Variants in CCSER1 observed in about 807,000 individuals in gnomAD.
CCSER1 encodes coiled-coil serine rich protein 1, also known as serine-rich coiled-coil domain-containing protein 1.
Under a neutral mutation model 82.0 loss-of-function variants are expected in CCSER1, and 41 were observed. The observed-to-expected ratio is 0.50, with a 90% CI of 0.39 to 0.65. The LOEUF is 0.65. Ranked by LOEUF, CCSER1 falls within the 30% of genes least tolerant of loss-of-function variation. CCSER1 has a pLI of 0.00. For missense variants in CCSER1, 1,119 were observed against 1,064.2 expected (o/e 1.05, Z -0.72); for synonymous variants, 414 against 383.9 (o/e 1.08, Z -0.92).
chr4:91,109,283 C>T (rs528246756), intron 10 of CCSER1, among the ~76,000 whole-genome samples: 2 of 152,224 alleles, frequency 1.3e-5, no homozygotes, highest in South Asian at 4.1e-4. Context: ...AATATATCCC[C>T]TCTCATCTAT....
Position 90,345,633 on chromosome 4 carries a change from C to G in CCSER1, c.1509+32586C>G, listed in dbSNP as rs560892507. 3.9e-5 allele frequency among the ~76,000 whole-genome samples: 6 copies of G among 152,064 alleles called. 1 individual carries two copies. In the South Asian group the frequency reaches 1.2e-3, roughly 32 times the overall value. ...AATTTTCAATCATATACTAAATGAA[C>G]AGACAAATTAACAAAAACGTTTATT... On this transcript the variant is annotated intron_variant, in intron 3 of 10. Coordinates refer to ENST00000509176, the MANE Select transcript of CCSER1 (RefSeq NM_001145065.2).
intron 1 of CCSER1, among the ~76,000 whole-genome samples, chr4:90,239,932 A>G (rs1162429774): frequency 6.6e-6 from 1 of 152,228 alleles, no homozygotes; most frequent in Non-Finnish European, 1.5e-5. Context: ...TAGTGAGTTT[A>G]ATTTAAAAAT....
chr4:90,401,091 G>A (rs933764743), intron 4 of CCSER1, among the ~76,000 whole-genome samples: 45 of 152,026 alleles, frequency 3.0e-4, no homozygotes, highest in Non-Finnish European at 5.6e-4. Context: ...ATTATCAATT[G>A]TCAAAAGAAG....
chr4:91,028,544 C>T (rs1740692973), intron 9 of CCSER1, among the ~76,000 whole-genome samples: 1 of 151,892 alleles, frequency 6.6e-6, no homozygotes, highest in African/African-American at 2.4e-5. Context: ...ATATGTAATA[C>T]TTACCAAGCA....
At chr4:90,865,134 A>G (rs1253802892) in intron 8 of CCSER1, among the ~76,000 whole-genome samples, 1 of 152,030 alleles carries the variant, frequency 6.6e-6, no homozygotes, top group Non-Finnish European at 1.5e-5. Flanking sequence ...AAAATCATGT[A>G]AAATTGATGT....
At chr4:91,121,801 C>T (rs1391750676) in intron 10 of CCSER1, among the ~76,000 whole-genome samples, 2 of 151,238 alleles carry the variant, frequency 1.3e-5, no homozygotes, top group Non-Finnish European at 3.0e-5. Context: ...TATTGAGAAA[C>T]TTTTGGTTAT....
chr4:90,878,423 A>G (rs1305452594), intron 8 of CCSER1, among the ~76,000 whole-genome samples: 1 of 152,186 alleles, frequency 6.6e-6, no homozygotes, highest in African/African-American at 2.4e-5. Flanking sequence ...ATTTGGGTAC[A>G]GAGTGCAAGC....
At chr4:90,574,592 A>T (rs1228772272) in intron 5 of CCSER1, among the ~76,000 whole-genome samples, 2 of 151,516 alleles carry the variant, frequency 1.3e-5, no homozygotes, top group African/African-American at 4.8e-5. Context: ...TTTTAAACTA[A>T]ATTTGTAGGG....
intron 5 of CCSER1, among the ~76,000 whole-genome samples, chr4:90,536,680 G>A (rs982179699): frequency 1.3e-5 from 2 of 152,306 alleles, no homozygotes; most frequent in South Asian, 4.1e-4. Flanking sequence ...TAATTACCCT[G>A]ATAATTGAAG....
At chr4:90,811,945 TTAA>T (rs1758369502) in intron 7 of CCSER1, among the ~76,000 whole-genome samples, 4 of 146,638 alleles carry the variant, frequency 2.7e-5, no homozygotes, top group East Asian at 4.0e-4. Flanking sequence ...ATATATACAC[TTAA>T]TAAACTCACA....
chr4:90,385,413 T>C (rs1181135099), intron 3 of CCSER1, among the ~76,000 whole-genome samples: 1 of 151,806 alleles, frequency 6.6e-6, no homozygotes, highest in Non-Finnish European at 1.5e-5. Context: ...TTTTTTGACT[T>C]TTTAGTAATG....
At chr4:91,267,154 G>T (rs1329867709) in intron 10 of CCSER1, among the ~76,000 whole-genome samples, 1 of 151,568 alleles carries the variant, frequency 6.6e-6, no homozygotes, top group African/African-American at 2.4e-5. Context: ...GTAAAGGCAG[G>T]CTTGTAGCAC....
intron 4 of CCSER1, among the ~76,000 whole-genome samples, chr4:90,458,013 G>A (rs188293198): frequency 6.6e-6 from 1 of 152,136 alleles, no homozygotes; most frequent in African/African-American, 2.4e-5. Context: ...TACCCAGCAG[G>A]GTCATGGCCG....
chr4:90,262,871 C>T (rs1043664954), intron 1 of CCSER1, among the ~76,000 whole-genome samples: 1 of 152,114 alleles, frequency 6.6e-6, no homozygotes, highest in African/African-American at 2.4e-5. Context: ...ATGACTCTGC[C>T]ACTCATGCAA....
chr4:91,221,558 G>T (rs1192632537), intron 10 of CCSER1, among the ~76,000 whole-genome samples: 1 of 95,548 alleles, frequency 1.0e-5, no homozygotes, highest in Admixed American at 1.1e-4. Context: ...TAACCCATAG[G>T]CATGGATTGG....
intron 10 of CCSER1, among the ~76,000 whole-genome samples, chr4:91,390,872 C>T (rs1751604095): frequency 6.6e-6 from 1 of 152,062 alleles, no homozygotes; most frequent in African/African-American, 2.4e-5. Flanking sequence ...GGGCCTAGAG[C>T]TGTTCATATT....
intron 8 of CCSER1, among the ~76,000 whole-genome samples, chr4:90,897,627 G>T (rs1261064760): frequency 6.6e-6 from 1 of 152,000 alleles, no homozygotes; most frequent in East Asian, 1.9e-4. Context: ...TTGATGAAAA[G>T]ATCTTCCTTT....
rs549385964 is a variant in CCSER1, at chr4:91,006,474, C to G, written c.2173-79476C>G. Among the ~76,000 whole-genome samples the G allele has an allele frequency of 6.8e-4, 103 of 150,960 alleles. 1 individual carries two copies. The highest frequency in any genetic ancestry group is 3.4e-3 in the Middle Eastern group (1 of 290). The stretch of plus-strand genomic sequence containing the variant: ...GGCTCTCACCTTTTCTATTTGGATG[C>G]CTTTTATTTCTTTTTTTCTTTTTTT... On this transcript the variant is annotated intron_variant, in intron 9 of 10. Coordinates refer to ENST00000509176, the MANE Select transcript of CCSER1 (RefSeq NM_001145065.2).
intron 1 of CCSER1, among the ~76,000 whole-genome samples, chr4:90,229,505 G>A (rs905825239): frequency 8.6e-5 from 13 of 151,968 alleles, no homozygotes; most frequent in South Asian, 2.1e-4. Context: ...GATACCAGCC[G>A]CTGCAAAATC....
Sources: allele counts gnomAD v4.1 joint callset (sites outside exome capture counted in the v4.1 genomes callset), GRCh38; gene constraint gnomAD v4.1.1; transcripts MANE v1.5; gene names NCBI Gene and HGNC (gene_info 2026-07-23, HGNC 2026-07-21).